CFAP57: variants seen among roughly 807,000 people sequenced by gnomAD.
CFAP57 encodes cilia- and flagella-associated protein 57.
In CFAP57, 116 loss-of-function variants were observed where a neutral mutation model predicts 146.8. That is an observed-to-expected ratio of 0.79 (90% CI 0.68 to 0.92). CFAP57 has a LOEUF of 0.92. Among genes scored for constraint, CFAP57 ranks in the 40% least tolerant of loss-of-function variants. CFAP57 has a pLI of 0.00. For synonymous variants in CFAP57, 518 were observed against 552.8 expected (o/e 0.94, Z 0.88); for missense variants, 1,377 against 1,527.2 (o/e 0.90, Z 1.64).
chr1:43,213,119 ACT>A (rs1386572771), intron 11 of CFAP57, among the ~76,000 whole-genome samples: 1 of 151,438 alleles, frequency 6.6e-6, no homozygotes, highest in African/African-American at 2.4e-5. Flanking sequence ...ATAGAGTCTC[ACT>A]CTGTCGCCCA....
Position 43,181,671 on chromosome 1 carries a change from G to A in CFAP57, c.295G>A (p.Val99Ile). 1 of 1,614,156 alleles carries A rather than the reference G, an allele frequency of 6.2e-7. No individual in the cohort carries two copies. Among genetic ancestry groups the A allele is most frequent in the Non-Finnish European group, 8.5e-7 (1 of 1,180,026 alleles). ...LSSIPCRKRK[V>I]LNNFDFQVQK... ...ATCCATCCCTTGCCGGAAGCGCAAA[G>A]TTCTTAATAATTTTGACTTCCAAGT... Residue 99 changes from valine to isoleucine, a missense_variant, in exon 3 of 23, where the codon GTT becomes ATT. By Grantham distance (29) the Val-to-Ile change is conservative. Transcript: ENST00000372492.
intron 3 of CFAP57, 131 bp from the exon 4 acceptor site, chr1:43,183,455 ATAAAG>A: frequency 3.7e-6 from 3 of 809,518 alleles, no homozygotes; most frequent in Non-Finnish European, 6.1e-6. Flanking sequence ...CAAATGCAGC[ATAAAG>A]TTACATGATT....
chr1:43,193,904 G>C (rs1643699066), intron 6 of CFAP57, among the ~76,000 whole-genome samples: 1 of 151,918 alleles, frequency 6.6e-6, no homozygotes, highest in Non-Finnish European at 1.5e-5. Flanking sequence ...CCCACCATTT[G>C]TGTGCTATTA....
At position 43,186,836 on chromosome 1, in the gene CFAP57, A is replaced by C; in HGVS notation, c.1099A>C (p.Met367Leu). 1.2e-6 allele frequency: 2 copies of C among 1,614,140 alleles called. No homozygotes were observed. The highest frequency in any genetic ancestry group is 1.6e-4 in the Middle Eastern group (1 of 6,062). Reference protein sequence around the residue: ...TSKNQLYSITMSLTEISKGEP... With the variant: ...TSKNQLYSITLSLTEISKGEP... ...TAAGAACCAACTCTACAGCATCACCATGTCCCTGACAGAGATCAGCAAGGT... is the reference window on the plus strand; with the variant it reads ...TAAGAACCAACTCTACAGCATCACCCTGTCCCTGACAGAGATCAGCAAGGT... Residue 367 changes from methionine (M) to leucine (L), a missense_variant, in exon 6 of 23, where the codon ATG becomes CTG. Physicochemically the swap from Met to Leu is conservative, Grantham distance 15. Transcript: ENST00000372492.
intron 13 of CFAP57, among the ~76,000 whole-genome samples, chr1:43,220,850 A>G (rs1414940179): frequency 2.6e-5 from 4 of 152,146 alleles, no homozygotes; most frequent in African/African-American, 9.7e-5. Context: ...GTATTAATTA[A>G]TTCACTTTAT....
chr1:43,234,687 T>G (rs1312358646), intron 21 of CFAP57, 49 bp downstream of exon 21: 5 of 1,518,258 alleles, frequency 3.3e-6, no homozygotes, highest in Non-Finnish European at 4.4e-6. Flanking sequence ...CCATCCAAGA[T>G]GAGAGATCCC....
chr1:43,210,400 A>G (rs1389887845), intron 11 of CFAP57: 1 of 1,216,420 alleles, frequency 8.2e-7, no homozygotes, highest in East Asian at 4.3e-5. Flanking sequence ...TCTATGTTCA[A>G]CAGTCAAAAT....
At chr1:43,210,398 C>T (rs1389560152) in intron 11 of CFAP57, 2 of 1,220,618 alleles carry the variant, frequency 1.6e-6, no homozygotes, top group South Asian at 2.1e-5. Context: ...TATCTATGTT[C>T]AACAGTCAAA....
At chr1:43,217,542 G>A (rs941699083) in intron 12 of CFAP57, among the ~76,000 whole-genome samples, 34 of 151,992 alleles carry the variant, frequency 2.2e-4, no homozygotes, top group Admixed American at 1.0e-3. Flanking sequence ...CTCAGGTACC[G>A]GTCCTTCTAC....
chr1:43,252,292 G>A (rs957374302), intron 22 of CFAP57, among the ~76,000 whole-genome samples: 12 of 152,228 alleles, frequency 7.9e-5, no homozygotes, highest in South Asian at 2.1e-4. Flanking sequence ...TGTCAATCTT[G>A]GCTCTGGATG....
chr1:43,201,440 G>A lies in CFAP57; in HGVS notation c.1542+1937G>A, dbSNP rs114816146. Among the ~76,000 whole-genome samples the A allele has an allele frequency of 4.0e-3, 609 of 152,282 alleles. No individual in the cohort carries two copies. The highest frequency in any genetic ancestry group is 8.5e-3 in the South Asian group (41 of 4,828). On this transcript the variant is annotated intron_variant, in intron 9 of 22. Coordinates refer to ENST00000372492, the MANE Select transcript of CFAP57 (RefSeq NM_001378189.1). The surrounding 1 kb of genome is among the most constrained non-coding windows in gnomAD (Gnocchi z 4.4). Reference sequence around the variant, plus strand: ...TTTAGCAAATAACAGATCATTGGAAGGAAAAGTAAAAATGTGTGGAAAGTG... The same window carrying A: ...TTTAGCAAATAACAGATCATTGGAAAGAAAAGTAAAAATGTGTGGAAAGTG...
chr1:43,251,490 A>G (rs925608480), intron 22 of CFAP57, among the ~76,000 whole-genome samples: 1 of 152,326 alleles, frequency 6.6e-6, no homozygotes, highest in Middle Eastern at 3.4e-3. Context: ...AGATAAAACA[A>G]ATACAGGTTT....
chr1:43,199,306 T>A, intron 8 of CFAP57, 84 bp from the exon 9 acceptor site: 1 of 1,315,334 alleles, frequency 7.6e-7, no homozygotes, highest in Non-Finnish European at 1.1e-6. Flanking sequence ...TCTGAACTCG[T>A]TGGGAAAAGC....
intron 6 of CFAP57, among the ~76,000 whole-genome samples, chr1:43,187,221 T>C (rs753247300): frequency 1.6e-4 from 25 of 152,248 alleles, no homozygotes; most frequent in Non-Finnish European, 3.5e-4. Context: ...TTTTACTGTT[T>C]TGGAATAACA....
At chr1:43,239,385 A>G in intron 21 of CFAP57, among the ~76,000 whole-genome samples, 1 of 152,006 alleles carries the variant, frequency 6.6e-6, no homozygotes, top group Non-Finnish European at 1.5e-5. Context: ...GGGGTCAGGA[A>G]CAGGCATTCA....
At chr1:43,180,245 T>C (rs1645348205) in intron 2 of CFAP57, among the ~76,000 whole-genome samples, 8 of 143,112 alleles carry the variant, frequency 5.6e-5, no homozygotes. Context: ...ATATAAAATA[T>C]ATATACACAC....
chr1:43,222,386 G>A, intron 15 of CFAP57, 91 bp downstream of exon 15: 1 of 1,203,898 alleles, frequency 8.3e-7, no homozygotes, highest in Non-Finnish European at 1.1e-6. Flanking sequence ...TGTATGCCAG[G>A]ATGTGTTATA....
intron 3 of CFAP57, 93 bp downstream of exon 3, chr1:43,181,943 CCATG>C (rs2124274655): frequency 7.1e-7 from 1 of 1,400,138 alleles, no homozygotes; most frequent in East Asian, 2.4e-5. Context: ...CTAATTTCCT[CCATG>C]CATTTTAAAA....
intron 11 of CFAP57, among the ~76,000 whole-genome samples, chr1:43,212,446 T>A (rs1477286160): frequency 1.3e-5 from 2 of 152,232 alleles, no homozygotes; most frequent in Non-Finnish European, 2.9e-5. Context: ...TATTATGAAG[T>A]ACCTGTGATG....
Sources: gnomAD v4.1 joint callset for allele counts (sites outside exome capture counted in the v4.1 genomes callset) on GRCh38, gnomAD v4.1.1 for gene constraint, Gnocchi (gnomAD v3.1) non-coding constraint, MANE v1.5 for transcripts, NCBI Gene and HGNC (gene_info 2026-07-23, HGNC 2026-07-21) for gene names.